The following PDZK1IP1 variants were observed in gnomAD, a reference collection of about 807,000 sequenced individuals.
PDZK1IP1 encodes PDZK1 interacting protein 1, also known as PDZK1-interacting protein 1.
A neutral mutation model predicts 14.7 loss-of-function variants in PDZK1IP1; 9 were observed. The ratio of observed to expected loss-of-function variants is 0.61; its 90% CI spans 0.37 to 1.07. The LOEUF (loss-of-function observed/expected upper bound fraction) is 1.07, where lower values mean the gene tolerates loss of function less well. Ranked by LOEUF, PDZK1IP1 falls within the 50% of genes least tolerant of loss-of-function variation. PDZK1IP1 has a pLI of 0.01. For synonymous variants in PDZK1IP1, 70 were observed against 61.2 expected, an observed-to-expected ratio of 1.14 and a Z score of -0.67; for missense variants, 152 against 148.7, an observed-to-expected ratio of 1.02 and a Z score of -0.11.
At chr1:47,188,339 A>C (rs1162339430) in intron 1 of PDZK1IP1, among the ~76,000 whole-genome samples, 1 of 152,156 alleles carries the variant, frequency 6.6e-6, no homozygotes, top group East Asian at 1.9e-4. Flanking sequence ...ACACCAACAC[A>C]GTCCCTCAAG....
chr1:47,185,280 A>G (rs914891273), intron 2 of PDZK1IP1, 183 bp from the exon 3 acceptor site: 20 of 590,214 alleles, frequency 3.4e-5, no homozygotes, highest in African/African-American at 2.8e-4. Context: ...CTTTCTCCCC[A>G]CTCCATAGTG....
At chr1:47,186,669 G>A (rs1305167495) in intron 2 of PDZK1IP1, among the ~76,000 whole-genome samples, 9 of 152,158 alleles carry the variant, frequency 5.9e-5, no homozygotes, top group East Asian at 5.8e-4. Context: ...CCCTGGTGCC[G>A]TGCCCCTAAC....
At position 47,183,626 on chromosome 1, in the gene PDZK1IP1, C is replaced by G; in HGVS notation, c.*345G>C. On this transcript the variant is annotated 3_prime_UTR_variant, in exon 4 of 4. Coordinates refer to ENST00000294338, the MANE Select transcript of PDZK1IP1 (RefSeq NM_005764.4). ...TGAGGGGCTGTTGCTGAGCCTCAGC[C>G]CCAGAAATACAAAAAGTCTTTATTT... 1 of 282,134 alleles carries G rather than the reference C, an allele frequency of 3.5e-6. No individual in the cohort carries two copies. 17.5% of individuals were successfully genotyped at this position (282,134 alleles called of 1,614,324 possible).
chr1:47,185,237 C>G, intron 2 of PDZK1IP1, 140 bp from the exon 3 acceptor site: 1 of 668,812 alleles, frequency 1.5e-6, no homozygotes, highest in Non-Finnish European at 2.7e-6. Flanking sequence ...GCATGTCAGC[C>G]GCGGCTACTG....
chr1:47,183,625 C>A lies in PDZK1IP1; in HGVS notation c.*346G>T, dbSNP rs1051203944. On this transcript the variant is annotated 3_prime_UTR_variant, in exon 4 of 4. Coordinates refer to ENST00000294338, the MANE Select transcript of PDZK1IP1 (RefSeq NM_005764.4). Reference sequence around the variant, plus strand: ...CTGAGGGGCTGTTGCTGAGCCTCAGCCCCAGAAATACAAAAAGTCTTTATT... The same window carrying A: ...CTGAGGGGCTGTTGCTGAGCCTCAGACCCAGAAATACAAAAAGTCTTTATT... 11 of 279,266 alleles carry A rather than the reference C, an allele frequency of 3.9e-5. No homozygotes were observed. The highest frequency in any genetic ancestry group is 1.1e-4 in the African/African-American group (5 of 45,504). 17.3% of individuals were successfully genotyped at this position (279,266 alleles called of 1,614,324 possible).
At chr1:47,186,769 C>T (rs538569746) in intron 2 of PDZK1IP1, among the ~76,000 whole-genome samples, 21 of 152,302 alleles carry the variant, frequency 1.4e-4, no homozygotes, top group Non-Finnish European at 2.1e-4. Flanking sequence ...AGTCAGGTTT[C>T]GGGATAAATG....
At chr1:47,187,071 A>G (rs920890314) in intron 2 of PDZK1IP1, among the ~76,000 whole-genome samples, 4 of 152,298 alleles carry the variant, frequency 2.6e-5, no homozygotes, top group African/African-American at 9.6e-5. Flanking sequence ...CAAAACTCAC[A>G]GGGAGTGGGC....
chr1:47,184,037 A>G lies in PDZK1IP1; in HGVS notation c.279T>C (p.Ser93=), dbSNP rs1407412386. 1.3e-6 allele frequency: 2 copies of G among 1,588,664 alleles called. No homozygotes were observed. The highest frequency in any genetic ancestry group is 1.7e-6 in the Non-Finnish European group (2 of 1,165,930). ...YSSMAASFRS[S]EHENAYENVP... The stretch of plus-strand genomic sequence containing the variant: ...CATTCTCATAGGCATTCTCATGCTC[A>G]CTGGACCTGAAAGAAGAAGGCATGG... The change falls in exon 4 of 4, where the codon AGT becomes AGC. Residue 93 remains serine (S), a synonymous_variant. Transcript: ENST00000294338.
intron 1 of PDZK1IP1, among the ~76,000 whole-genome samples, chr1:47,188,247 C>G (rs1475293841): frequency 6.6e-6 from 1 of 152,204 alleles, no homozygotes; most frequent in South Asian, 2.1e-4. Context: ...CTCAGGCGAG[C>G]CTCTGGCCTT....
intron 3 of PDZK1IP1, among the ~76,000 whole-genome samples, chr1:47,184,520 C>T (rs1214671477): frequency 3.8e-5 from 2 of 52,254 alleles, no homozygotes; most frequent in African/African-American, 1.6e-4. Flanking sequence ...TGAATCCATC[C>T]CCCACTGAGC....
At chr1:47,187,288 G>A (rs779603665) in intron 2 of PDZK1IP1, 31 bp downstream of exon 2, 3 of 1,514,196 alleles carry the variant, frequency 2.0e-6, no homozygotes, top group Non-Finnish European at 2.8e-6. Context: ...GGCCCACCCT[G>A]CCTGCTCAGG....
chr1:47,189,396 G>A (rs1481585624), intron 1 of PDZK1IP1, among the ~76,000 whole-genome samples: 1 of 152,200 alleles, frequency 6.6e-6, no homozygotes, highest in Non-Finnish European at 1.5e-5. Context: ...TCTCAGGAAG[G>A]GGCAGTGATT....
At chr1:47,189,172 A>T (rs1404927482) in intron 1 of PDZK1IP1, among the ~76,000 whole-genome samples, 1 of 152,110 alleles carries the variant, frequency 6.6e-6, no homozygotes, top group African/African-American at 2.4e-5. Flanking sequence ...GAGCTCTGAA[A>T]GCATCTTTGC....
chr1:47,183,897 A>G lies in PDZK1IP1; in HGVS notation c.*74T>C. On this transcript the variant is annotated 3_prime_UTR_variant, in exon 4 of 4. Transcript: ENST00000294338. ...TATTGCAGATTCCACACAAAGAAGGAGGGGGCTTGGGTGGTAGCACTGGAC... is the reference window on the plus strand; with the variant it reads ...TATTGCAGATTCCACACAAAGAAGGGGGGGGCTTGGGTGGTAGCACTGGAC... The G allele has an allele frequency of 8.1e-7, 1 of 1,235,830 alleles. No individual in the cohort carries two copies. Among genetic ancestry groups the G allele is most frequent in the Non-Finnish European group, 1.2e-6 (1 of 858,904 alleles). 76.6% of individuals were successfully genotyped at this position (1,235,830 alleles called of 1,614,324 possible).
At chr1:47,187,806 G>A (rs976301694) in intron 1 of PDZK1IP1, among the ~76,000 whole-genome samples, 6 of 152,200 alleles carry the variant, frequency 3.9e-5, no homozygotes, top group South Asian at 2.1e-4. Context: ...CTGGACAGCC[G>A]GCCTAGGCCT....
chr1:47,184,603 C>G lies in PDZK1IP1; in HGVS notation c.272+399G>C, dbSNP rs368619654. ...AGTCCATACCCCACTGAGTCCACAC[C>G]CCAGTGAACCCATCCCCCACTGAGT... On this transcript the variant is annotated intron_variant, in intron 3 of 3. Coordinates refer to ENST00000294338, the MANE Select transcript of PDZK1IP1 (RefSeq NM_005764.4). 2.2e-4 allele frequency among the ~76,000 whole-genome samples: 30 copies of G among 137,874 alleles called. 1 individual carries two copies. The South Asian group carries it at 3.2e-3, about 15-fold the overall frequency. 90.5% of individuals were successfully genotyped at this position (137,874 alleles called of 152,430 possible).
intron 2 of PDZK1IP1, 130 bp from the exon 3 acceptor site, chr1:47,185,227 G>A: frequency 2.8e-6 from 2 of 708,922 alleles, no homozygotes; most frequent in South Asian, 3.3e-5. Context: ...GTGCAACAGG[G>A]CATGTCAGCC....
At chr1:47,186,965 G>A (rs1051121837) in intron 2 of PDZK1IP1, among the ~76,000 whole-genome samples, 5 of 152,134 alleles carry the variant, frequency 3.3e-5, no homozygotes, top group East Asian at 1.9e-4. Flanking sequence ...AGGAGGGACC[G>A]CACCTTCTAG....
At chr1:47,186,029 G>C (rs1480816917) in intron 2 of PDZK1IP1, among the ~76,000 whole-genome samples, 1 of 152,180 alleles carries the variant, frequency 6.6e-6, no homozygotes, top group Non-Finnish European at 1.5e-5. Flanking sequence ...TGCCACTGGA[G>C]GCAGGGCATG....
Sources: gnomAD v4.1 joint callset for allele counts (sites outside exome capture counted in the v4.1 genomes callset) on GRCh38, gnomAD v4.1.1 for gene constraint, MANE v1.5 for transcripts, NCBI Gene and HGNC (gene_info 2026-07-23, HGNC 2026-07-21) for gene names.